The following CTNNA2 variants were observed in gnomAD, a reference collection of about 807,000 sequenced individuals.
CTNNA2 encodes catenin alpha 2.
Under a neutral mutation model 101.0 loss-of-function variants are expected in CTNNA2, and 42 were observed. That is an observed-to-expected ratio of 0.42 (90% confidence interval 0.32 to 0.54). The LOEUF (loss-of-function observed/expected upper bound fraction) is 0.54, where lower values mean the gene tolerates loss of function less well. Ranked by LOEUF, CTNNA2 falls within the 20% of genes least tolerant of loss-of-function variation. CTNNA2 has a pLI of 0.14. For synonymous variants in CTNNA2, 450 were observed against 456.4 expected (o/e 0.99, Z 0.18); for missense variants, 871 against 1,223.1 (o/e 0.71, Z 4.29).
At chr2:80,355,837 A>G (rs1673736693) in intron 7 of CTNNA2, among the ~76,000 whole-genome samples, 1 of 152,068 alleles carries the variant, frequency 6.6e-6, no homozygotes, top group Non-Finnish European at 1.5e-5. Context: ...AGGTAGAACA[A>G]TTTTTACTGC....
chr2:79,317,707 A>G (rs1171554558), intron 3 of CTNNA2, among the ~76,000 whole-genome samples: 1 of 152,074 alleles, frequency 6.6e-6, no homozygotes, highest in African/African-American at 2.4e-5. Flanking sequence ...CAGGCTGATC[A>G]TTTGTTTTGC....
At chr2:80,184,817 G>A (rs1055423095) in intron 7 of CTNNA2, among the ~76,000 whole-genome samples, 9 of 152,132 alleles carry the variant, frequency 5.9e-5, no homozygotes, top group Admixed American at 1.3e-4. Context: ...AAAGGCTTAT[G>A]TAATTTCTTC....
intron 7 of CTNNA2, among the ~76,000 whole-genome samples, chr2:80,137,071 T>A (rs1455602325): frequency 6.6e-6 from 1 of 152,202 alleles, no homozygotes; most frequent in Non-Finnish European, 1.5e-5. Context: ...TTGCAACAGC[T>A]GTCAGAAATA....
At chr2:80,433,225 T>G (rs1177799051) in intron 9 of CTNNA2, among the ~76,000 whole-genome samples, 3 of 152,186 alleles carry the variant, frequency 2.0e-5, no homozygotes, top group East Asian at 3.9e-4. Flanking sequence ...ACTTTTCCTG[T>G]GCCTATTCTG....
chr2:79,460,500 A>C (rs1261355093), intron 4 of CTNNA2, among the ~76,000 whole-genome samples: 1 of 152,116 alleles, frequency 6.6e-6, no homozygotes, highest in East Asian at 1.9e-4. Context: ...CTATTATCTA[A>C]ATATCTAAAA....
At chr2:79,541,648 GAC>G (rs1412651409) in intron 1 of CTNNA2, among the ~76,000 whole-genome samples, 84 of 146,858 alleles carry the variant, frequency 5.7e-4, no homozygotes, top group African/African-American at 2.0e-3. Context: ...TTTTTTTTGA[GAC>G]AGAGTCTCTC....
At chr2:79,491,073 A>G (rs1341614976) in intron 4 of CTNNA2, among the ~76,000 whole-genome samples, 1 of 152,188 alleles carries the variant, frequency 6.6e-6, no homozygotes, top group East Asian at 1.9e-4. Flanking sequence ...GAGGAAGAGG[A>G]AAAAAATTTG....
intron 7 of CTNNA2, among the ~76,000 whole-genome samples, chr2:80,068,751 T>G (rs1698139020): frequency 6.6e-6 from 1 of 152,150 alleles, no homozygotes; most frequent in East Asian, 1.9e-4. Context: ...TGAAACCCTT[T>G]CCTGGACTCA....
chr2:80,570,980 C>T (rs1380132143), intron 12 of CTNNA2, among the ~76,000 whole-genome samples: 1 of 152,116 alleles, frequency 6.6e-6, no homozygotes. Flanking sequence ...TTTCTCCTCT[C>T]ACCCTTGCGG....
intron 18 of CTNNA2, among the ~76,000 whole-genome samples, chr2:80,629,375 C>G (rs1220218308): frequency 6.6e-6 from 1 of 152,112 alleles, no homozygotes; most frequent in Non-Finnish European, 1.5e-5. Flanking sequence ...CAGTGATTGT[C>G]ACATTTCACT....
At chr2:80,431,446 A>G (rs930430195) in intron 9 of CTNNA2, among the ~76,000 whole-genome samples, 3 of 152,162 alleles carry the variant, frequency 2.0e-5, no homozygotes, top group African/African-American at 7.2e-5. Flanking sequence ...CCTATCTTTG[A>G]TATTTTACAA....
chr2:80,380,028 CTTTTTTT>C lies in CTNNA2; in HGVS notation c.1057-13163_1057-13157del, dbSNP rs769794108. 1.2e-4 allele frequency among the ~76,000 whole-genome samples: 10 copies of C among 86,542 alleles called. No individual in the cohort carries two copies. In the South Asian group the frequency reaches 3.3e-3, roughly 29 times the overall value. The allele number at this position is 86,542 out of a possible 152,430, so 56.8% of individuals were successfully genotyped here. On this transcript the variant is annotated intron_variant, in intron 7 of 18. Transcript: ENST00000402739. ...AATGTCTTGCACTGTTCGAGATGTA[CTTTTTTT>C]TTTTTTTTTTTTTTTTTTTGAGACG...
intron 4 of CTNNA2, among the ~76,000 whole-genome samples, chr2:79,405,990 A>C (rs917014994): frequency 5.9e-5 from 9 of 152,058 alleles, no homozygotes; most frequent in African/African-American, 1.2e-4. Context: ...CATACTCAAC[A>C]GAGATGGTGT....
chr2:80,083,102 G>C (rs769049031), intron 7 of CTNNA2, among the ~76,000 whole-genome samples: 5 of 152,040 alleles, frequency 3.3e-5, no homozygotes, highest in Admixed American at 1.3e-4. Flanking sequence ...AAATACCCCT[G>C]GAACCTGGAC....
At chr2:79,936,443 A>AC (rs1687795115) in intron 7 of CTNNA2, among the ~76,000 whole-genome samples, 1 of 151,698 alleles carries the variant, frequency 6.6e-6, no homozygotes, top group Admixed American at 6.6e-5. Context: ...GTTACAGACA[A>AC]CCCGACCCCC....
chr2:79,877,483 T>G (rs2104088435), intron 6 of CTNNA2, among the ~76,000 whole-genome samples: 1 of 152,308 alleles, frequency 6.6e-6, no homozygotes, highest in Admixed American at 6.5e-5. Context: ...CGTTTCTCTT[T>G]ATTTTATGAC....
chr2:79,700,809 A>C (rs1026055999), intron 2 of CTNNA2, among the ~76,000 whole-genome samples: 1 of 152,194 alleles, frequency 6.6e-6, no homozygotes, highest in Non-Finnish European at 1.5e-5. Flanking sequence ...CTGAATCATC[A>C]GCTCTGTACC....
chr2:79,573,102 C>T (rs886458965), intron 1 of CTNNA2, among the ~76,000 whole-genome samples: 1 of 152,166 alleles, frequency 6.6e-6, no homozygotes, highest in African/African-American at 2.4e-5. Context: ...TCATTAGCGT[C>T]AGACTGGAAA....
At chr2:80,508,718 ATG>A (rs1688473723) in intron 9 of CTNNA2, among the ~76,000 whole-genome samples, 2 of 150,098 alleles carry the variant, frequency 1.3e-5, no homozygotes, top group Admixed American at 6.6e-5. Context: ...GATTGTGTTT[ATG>A]TAGTGAAGGA....
Sources: allele counts gnomAD v4.1 joint callset (sites outside exome capture counted in the v4.1 genomes callset), GRCh38; gene constraint gnomAD v4.1.1; transcripts MANE v1.5; gene names NCBI Gene and HGNC (gene_info 2026-07-23, HGNC 2026-07-21).